The following DAPL1 variants were observed in gnomAD, a reference collection of about 807,000 sequenced individuals.
DAPL1 encodes the protein death associated protein like 1.
Under a neutral mutation model 12.9 loss-of-function variants are expected in DAPL1, and 17 were observed. That is an observed-to-expected ratio of 1.32 (90% confidence interval 0.90 to 1.98). DAPL1 has a LOEUF of 1.98. DAPL1 is among the 30% of genes most tolerant of loss of function. DAPL1 has a pLI of 0.00. For synonymous variants in DAPL1, 51 were observed against 42.0 expected, an observed-to-expected ratio of 1.21 and a Z score of -0.82; for missense variants, 157 against 125.7, an observed-to-expected ratio of 1.25 and a Z score of -1.19.
chr2:158,802,374 T>C (rs1054393372), intron 1 of DAPL1, among the ~76,000 whole-genome samples: 3 of 152,206 alleles, frequency 2.0e-5, no homozygotes, highest in Non-Finnish European at 2.9e-5. Context: ...CATCTTAGAA[T>C]GAGCGAGGCA....
chr2:158,800,807 C>T (rs1213356109), intron 1 of DAPL1, among the ~76,000 whole-genome samples: 1 of 152,124 alleles, frequency 6.6e-6, no homozygotes. Flanking sequence ...AATGTCCTTC[C>T]AAATGAGTGG....
chr2:158,795,482 C>G (rs2059129815), intron 1 of DAPL1, 52 bp downstream of exon 1: 1 of 1,520,076 alleles, frequency 6.6e-7, no homozygotes. Flanking sequence ...TCCCCTCTTC[C>G]ACCAATGCCT....
chr2:158,802,688 G>C (rs141330566), intron 1 of DAPL1, among the ~76,000 whole-genome samples: 5 of 152,180 alleles, frequency 3.3e-5, no homozygotes, highest in African/African-American at 1.2e-4. Context: ...CTGAAAAACA[G>C]TGTGTTTGTG....
intron 2 of DAPL1, among the ~76,000 whole-genome samples, chr2:158,805,402 G>T (rs1295033368): frequency 6.6e-6 from 1 of 152,146 alleles, no homozygotes; most frequent in African/African-American, 2.4e-5. Flanking sequence ...AAGAGTGGAG[G>T]TCACACGTTA....
chr2:158,805,485 G>A (rs138839339), intron 2 of DAPL1, among the ~76,000 whole-genome samples: 3 of 122,388 alleles, frequency 2.5e-5, no homozygotes, highest in Non-Finnish European at 5.9e-5. Flanking sequence ...ATCAGACTGC[G>A]ATTGAATTGC....
chr2:158,808,718 A>G (rs2059214615), intron 3 of DAPL1, among the ~76,000 whole-genome samples: 1 of 152,082 alleles, frequency 6.6e-6, no homozygotes. Flanking sequence ...CCCACATCTT[A>G]TATTCTCTTG....
chr2:158,814,743 C>T (rs1002138394), intron 3 of DAPL1, among the ~76,000 whole-genome samples: 15 of 152,234 alleles, frequency 9.9e-5, no homozygotes, highest in African/African-American at 3.1e-4. Context: ...AGTTTATCTC[C>T]CCTTTTATTT....
intron 1 of DAPL1, among the ~76,000 whole-genome samples, chr2:158,797,209 C>G (rs12996550): frequency 0.05 from 7,617 of 152,248 alleles, 252 homozygotes; most frequent in South Asian, 0.11. Context: ...CTTCATTTCA[C>G]ATCTTCGAGC....
At chr2:158,805,936 C>T (rs893015077) in intron 2 of DAPL1, among the ~76,000 whole-genome samples, 1 of 148,034 alleles carries the variant, frequency 6.8e-6, no homozygotes, top group African/African-American at 2.5e-5. Flanking sequence ...AGAAAAATAA[C>T]CAAAAATGAC....
At chr2:158,806,668 C>T (rs1160861085) in intron 2 of DAPL1, among the ~76,000 whole-genome samples, 1 of 151,874 alleles carries the variant, frequency 6.6e-6, no homozygotes, top group Non-Finnish European at 1.5e-5. Flanking sequence ...AACCCCATTT[C>T]TACTAAAAAT....
rs1226515746 is a variant in DAPL1 at position 158,795,422 on chromosome 2, C to T, written c.50C>T (p.Pro17Leu). 2 of 1,554,866 alleles carry T rather than the reference C, an allele frequency of 1.3e-6. No individual in the cohort carries two copies. Among genetic ancestry groups the T allele is most frequent in the African/African-American group, 2.7e-5 (2 of 73,264 alleles). Residue 17 changes from proline to leucine, a missense_variant, in exon 1 of 4, where the codon CCT (proline) becomes CTT (leucine). Coordinates refer to ENST00000309950, the MANE Select transcript of DAPL1 (RefSeq NM_001017920.3). The part of the protein sequence containing the change: ...DLLSPRKGGH[P>L]PAVKAGGMRI... ...CTCTCCCCTCGGAAAGGGGGACATC[C>T]TCCTGCAGGTAGGCTGCCACCTGCC...
chr2:158,801,427 C>T (rs920245539), intron 1 of DAPL1, among the ~76,000 whole-genome samples: 2 of 152,168 alleles, frequency 1.3e-5, no homozygotes, highest in African/African-American at 4.8e-5. Flanking sequence ...GGCACACACG[C>T]CTCAAACATT....
intron 3 of DAPL1, among the ~76,000 whole-genome samples, chr2:158,810,598 T>C (rs1439080894): frequency 7.2e-5 from 11 of 152,212 alleles, no homozygotes; most frequent in Admixed American, 1.3e-4. Context: ...AGGGCTGGAA[T>C]TGTGTAAATC....
chr2:158,812,523 G>A (rs967102216), intron 3 of DAPL1, among the ~76,000 whole-genome samples: 5 of 152,208 alleles, frequency 3.3e-5, no homozygotes, highest in African/African-American at 1.2e-4. Flanking sequence ...GCTGGACGCA[G>A]TGGCTCATAA....
chr2:158,808,201 C>G (rs10188387), intron 3 of DAPL1, among the ~76,000 whole-genome samples: 1 of 152,090 alleles, frequency 6.6e-6, no homozygotes, highest in Non-Finnish European at 1.5e-5. Flanking sequence ...CTGTTGCAGC[C>G]AAAATCAGAT....
In DAPL1 at chr2:158,799,393, C is replaced by T. The variant is rs781757997; in HGVS notation, c.58+3963C>T. 2.0e-5 allele frequency among the ~76,000 whole-genome samples: 3 copies of T among 151,534 alleles called. No individual in the cohort carries two copies. The East Asian group carries it at 5.8e-4, about 29-fold the overall frequency. ...TAAAGGATTACAAACTTAAATGGAT[C>T]GATTTGGATACAGTGAAACTTTGAA... On this transcript the variant is annotated intron_variant, in intron 1 of 3. Coordinates refer to ENST00000309950, the MANE Select transcript of DAPL1 (RefSeq NM_001017920.3).
chr2:158,809,510 C>T (rs569635912), intron 3 of DAPL1, among the ~76,000 whole-genome samples: 51 of 152,206 alleles, frequency 3.4e-4, no homozygotes, highest in African/African-American at 8.7e-4. Flanking sequence ...CATAGGCTGC[C>T]GGGTTCCTGT....
intron 1 of DAPL1, among the ~76,000 whole-genome samples, chr2:158,800,572 C>T (rs894151576): frequency 3.9e-5 from 6 of 152,214 alleles, no homozygotes; most frequent in African/African-American, 1.4e-4. Flanking sequence ...GTCCTACTCA[C>T]AGTCACAGAG....
intron 1 of DAPL1, among the ~76,000 whole-genome samples, chr2:158,802,359 A>G (rs1250898402): frequency 6.6e-6 from 1 of 152,194 alleles, no homozygotes; most frequent in Non-Finnish European, 1.5e-5. Flanking sequence ...TTTGAAAATC[A>G]CCTCCATCTT....
Sources: allele counts gnomAD v4.1 joint callset (sites outside exome capture counted in the v4.1 genomes callset), GRCh38; gene constraint gnomAD v4.1.1; transcripts MANE v1.5; gene names NCBI Gene and HGNC (gene_info 2026-07-23, HGNC 2026-07-21).